The following SRD5A2 variants were observed in gnomAD, a reference collection of about 807,000 sequenced individuals.
SRD5A2 encodes 3-oxo-5-alpha-steroid 4-dehydrogenase 2.
SRD5A2 carries 30 observed loss-of-function variants against 27.4 expected under a neutral mutation model. That is an observed-to-expected ratio of 1.10 (90% confidence interval 0.82 to 1.49). The LOEUF is 1.49. SRD5A2 is among the 40% of genes most tolerant of loss of function. The pLI, the probability that SRD5A2 is intolerant of heterozygous loss-of-function variation, is 0.00. For synonymous variants in SRD5A2, 141 were observed against 133.6 expected (o/e 1.06, Z -0.38); for missense variants, 348 against 323.4 (o/e 1.08, Z -0.58).
At chr2:31,555,968 T>A (rs1666485729) in intron 1 of SRD5A2, among the ~76,000 whole-genome samples, 1 of 152,120 alleles carries the variant, frequency 6.6e-6, no homozygotes, top group Non-Finnish European at 1.5e-5. Context: ...AAAACAGCCA[T>A]CATTGGTGAG....
intron 1 of SRD5A2, among the ~76,000 whole-genome samples, chr2:31,575,674 A>G (rs917088781): frequency 6.6e-6 from 1 of 152,238 alleles, no homozygotes; most frequent in Non-Finnish European, 1.5e-5. Context: ...CTAAACCTCA[A>G]GGAATATCTC....
At chr2:31,635,492 G>A in the SRD5A2 span, among the ~76,000 whole-genome samples, 1 of 151,548 alleles carries the variant, frequency 6.6e-6, no homozygotes, top group Non-Finnish European at 1.5e-5. Flanking sequence ...CTCTCATTTT[G>A]TGGATTGTTT....
Position 31,579,930 on chromosome 2 carries a change from C to T in SRD5A2, c.281+690G>A, listed in dbSNP as rs374097563. Reference sequence around the variant, plus strand: ...AGTTACCCACTCACATTTCAAGTCCCAGGGAAATTGGAAAGGTAGATGAAT... The same window carrying T: ...AGTTACCCACTCACATTTCAAGTCCTAGGGAAATTGGAAAGGTAGATGAAT... On this transcript the variant is annotated intron_variant, in intron 1 of 4. Transcript: ENST00000622030. Among the ~76,000 whole-genome samples the T allele has an allele frequency of 5.9e-5, 9 of 152,284 alleles. No homozygotes were observed. In the South Asian group the frequency reaches 1.2e-3, roughly 21 times the overall value.
At chr2:31,614,397 G>A in the SRD5A2 span, among the ~76,000 whole-genome samples, 2 of 152,238 alleles carry the variant, frequency 1.3e-5, no homozygotes, top group African/African-American at 4.8e-5. Flanking sequence ...TCATGCTGAT[G>A]CAAGTGGTGG....
intron 1 of SRD5A2, among the ~76,000 whole-genome samples, chr2:31,537,369 T>C (rs1228756845): frequency 6.6e-6 from 1 of 152,136 alleles, no homozygotes; most frequent in African/African-American, 2.4e-5. Flanking sequence ...CTCCACTTCT[T>C]TCCTCCTTCC....
At chr2:31,657,984 G>T in the SRD5A2 span, among the ~76,000 whole-genome samples, 2 of 152,080 alleles carry the variant, frequency 1.3e-5, no homozygotes, top group African/African-American at 4.8e-5. Flanking sequence ...CCGAACACAG[G>T]CTGGAAACAA....
chr2:31,594,648 A>G, the SRD5A2 span, among the ~76,000 whole-genome samples: 4 of 152,320 alleles, frequency 2.6e-5, 1 homozygote, highest in African/African-American at 7.2e-5. Flanking sequence ...TAGACAAGTC[A>G]TCAAGACAGA....
At chr2:31,639,351 T>C in the SRD5A2 span, among the ~76,000 whole-genome samples, 1 of 152,156 alleles carries the variant, frequency 6.6e-6, no homozygotes, top group African/African-American at 2.4e-5. Context: ...TTGAGCTTCA[T>C]ACTATAGTTA....
the SRD5A2 span, among the ~76,000 whole-genome samples, chr2:31,633,945 T>C: frequency 1.3e-5 from 2 of 151,962 alleles, no homozygotes; most frequent in African/African-American, 4.8e-5. Context: ...TAAAGTATAA[T>C]AAAAAAAATT....
the SRD5A2 span, among the ~76,000 whole-genome samples, chr2:31,616,017 A>C: frequency 6.6e-6 from 1 of 151,918 alleles, no homozygotes; most frequent in Admixed American, 6.6e-5. Context: ...AGAAGTCAAG[A>C]ATTTAGGTTT....
chr2:31,584,963 G>C (rs1667150611), upstream of SRD5A2, among the ~76,000 whole-genome samples: 1 of 152,218 alleles, frequency 6.6e-6, no homozygotes, highest in African/African-American at 2.4e-5. Context: ...GGCAGCTGTG[G>C]TGTGGTGCAA....
the SRD5A2 span, among the ~76,000 whole-genome samples, chr2:31,623,893 G>T: frequency 1.3e-5 from 2 of 152,140 alleles, no homozygotes; most frequent in East Asian, 3.9e-4. Flanking sequence ...CTGTTTACAT[G>T]ATAAATAACA....
At position 31,531,421 on chromosome 2, in the gene SRD5A2, A is replaced by G. The variant is rs777907647; in HGVS notation, c.497T>C (p.Ile166Thr). The change falls in exon 3 of 5, where the codon ATA becomes ACA. Residue 166 changes from isoleucine (I) to threonine (T), a missense_variant. By Grantham distance (89) the Ile-to-Thr change is moderately conservative. Coordinates refer to ENST00000622030, the MANE Select transcript of SRD5A2 (RefSeq NM_000348.4). ...TCCAGGCTTCCTGAGCTGGCGCAAT[A>G]TATAGTCACTATGAATGTTTATTCC... ...GMGINIHSDY[I>T]LRQLRKPGEI... 3.6e-5 allele frequency: 57 copies of G among 1,601,334 alleles called. 1 individual carries two copies. The highest frequency in any genetic ancestry group is 1.9e-5 in the Non-Finnish European group (22 of 1,173,736).
chr2:31,622,560 C>T, the SRD5A2 span, among the ~76,000 whole-genome samples: 5 of 152,200 alleles, frequency 3.3e-5, no homozygotes, highest in East Asian at 3.9e-4. Flanking sequence ...AGTCGGGCAT[C>T]GTCGTGGAGA....
the SRD5A2 span, among the ~76,000 whole-genome samples, chr2:31,604,975 T>C: frequency 6.6e-6 from 1 of 151,714 alleles, no homozygotes; most frequent in Non-Finnish European, 1.5e-5. Context: ...TGGAATGGAA[T>C]AGAGAACCTA....
the SRD5A2 span, among the ~76,000 whole-genome samples, chr2:31,637,597 C>T: frequency 1.3e-5 from 2 of 152,108 alleles, no homozygotes; most frequent in East Asian, 3.9e-4. Context: ...TATAACTAGC[C>T]TTCAATCTGA....
intron 1 of SRD5A2, among the ~76,000 whole-genome samples, chr2:31,539,005 G>A (rs1056881224): frequency 3.3e-5 from 5 of 152,186 alleles, no homozygotes; most frequent in East Asian, 1.9e-4. Context: ...CACATCATAC[G>A]CATGCAGAGC....
chr2:31,646,401 T>G, the SRD5A2 span, among the ~76,000 whole-genome samples: 1 of 151,992 alleles, frequency 6.6e-6, no homozygotes, highest in African/African-American at 2.4e-5. Context: ...CACTCCCAAC[T>G]CCCAAGGCTA....
intron 1 of SRD5A2, among the ~76,000 whole-genome samples, chr2:31,578,940 A>G (rs796277067): frequency 5.9e-5 from 9 of 152,370 alleles, no homozygotes; most frequent in African/African-American, 2.2e-4. Flanking sequence ...GCCAACATAC[A>G]GTAGTTAATT....
Sources: gnomAD v4.1 joint callset for allele counts (sites outside exome capture counted in the v4.1 genomes callset) on GRCh38, gnomAD v4.1.1 for gene constraint, MANE v1.5 for transcripts, NCBI Gene and HGNC (gene_info 2026-07-23, HGNC 2026-07-21) for gene names.